The following WHRN variants were observed in gnomAD, a reference collection of about 807,000 sequenced individuals.
The protein encoded by WHRN is whirlin.
In WHRN, 41 loss-of-function variants were observed where a neutral mutation model predicts 68.3. That is an observed-to-expected ratio of 0.60 (90% CI 0.47 to 0.78). WHRN has a LOEUF of 0.78. WHRN is among the 30% of genes least tolerant of loss of function. The pLI, the probability that WHRN is intolerant of heterozygous loss-of-function variation, is 0.00. For synonymous variants in WHRN, 560 were observed against 561.3 expected, an observed-to-expected ratio of 1.00 and a Z score of 0.03; for missense variants, 1,243 against 1,244.7, an observed-to-expected ratio of 1.00 and a Z score of 0.02.
intron 7 of WHRN, among the ~76,000 whole-genome samples, chr9:114,416,463 C>T (rs984150249): frequency 6.6e-6 from 1 of 152,176 alleles, no homozygotes; most frequent in African/African-American, 2.4e-5. Flanking sequence ...AGCAGATTTC[C>T]CTTTTGCTGT....
Position 114,423,605 on chromosome 9 carries a change from G to A in WHRN, c.1417-82C>T, listed in dbSNP as rs1836525306. ...GGGGCCCTGCTACCCCCAAAGGACTGGCATGCAAACTTGACCCTGCCTCCC... is the reference window on the plus strand; with the variant it reads ...GGGGCCCTGCTACCCCCAAAGGACTAGCATGCAAACTTGACCCTGCCTCCC... On this transcript the variant is annotated intron_variant, in intron 6 of 11. Coordinates refer to ENST00000362057, the MANE Select transcript of WHRN (RefSeq NM_015404.4). 13 of 1,398,108 alleles carry A rather than the reference G, an allele frequency of 9.3e-6. No homozygotes were observed. The East Asian group carries it at 2.1e-4, about 22-fold the overall frequency. 86.6% of individuals were successfully genotyped at this position (1,398,108 alleles called of 1,614,324 possible).
At chr9:114,431,810 CT>C (rs563624027) in intron 3 of WHRN, among the ~76,000 whole-genome samples, 270 of 152,286 alleles carry the variant, frequency 1.8e-3, no homozygotes, top group African/African-American at 6.4e-3. Flanking sequence ...TCCAAGGCGT[CT>C]CTTATAGATG....
At chr9:114,501,419 G>A (rs963957865) in intron 1 of WHRN, among the ~76,000 whole-genome samples, 3 of 152,162 alleles carry the variant, frequency 2.0e-5, no homozygotes, top group African/African-American at 7.2e-5. Context: ...GGTAACAATG[G>A]ATGCTTGATT....
At chr9:114,424,583 G>T (rs1836640999) in intron 5 of WHRN, 37 bp from the exon 6 acceptor site, 1 of 1,570,396 alleles carries the variant, frequency 6.4e-7, no homozygotes, top group Non-Finnish European at 8.6e-7. Context: ...GGAATTCTTA[G>T]CTGCTCTAGA....
rs980004132 is a variant in WHRN, at chr9:114,442,170, A to G, written c.964-15757T>C. On this transcript the variant is annotated intron_variant, in intron 3 of 11. Coordinates refer to ENST00000362057, the MANE Select transcript of WHRN (RefSeq NM_015404.4). ...ACTGTTCCAAATTAAATGAAACTAAACAATCATAAAAACAAAATGCAACAC... is the reference window on the plus strand; with the variant it reads ...ACTGTTCCAAATTAAATGAAACTAAGCAATCATAAAAACAAAATGCAACAC... 4.6e-5 allele frequency among the ~76,000 whole-genome samples: 7 copies of G among 152,350 alleles called. No individual in the cohort carries two copies. The East Asian group carries it at 1.4e-3, about 29-fold the overall frequency.
At chr9:114,447,795 C>T (rs1036719091) in intron 3 of WHRN, among the ~76,000 whole-genome samples, 2 of 151,986 alleles carry the variant, frequency 1.3e-5, no homozygotes, top group African/African-American at 4.8e-5. Flanking sequence ...TCTCTCTCTC[C>T]CCCAGCCTTC....
rs559609692 is a variant in WHRN at position 114,469,122 on chromosome 9, C to T, written c.838-2730G>A. On this transcript the variant is annotated intron_variant, in intron 2 of 11. Transcript: ENST00000362057. ...TCCATTTGTGTAGAGTGCGTAGGGT[C>T]GTGGCTGGCACAGGGAAGCACTAGG... Among the ~76,000 whole-genome samples, 76 of 151,990 alleles carry T rather than the reference C, an allele frequency of 5.0e-4. 2 individuals are homozygous for T. Among genetic ancestry groups the T allele is most frequent in the Non-Finnish European group, 8.8e-5 (6 of 67,970 alleles).
chr9:114,422,547 G>A (rs552160247), intron 7 of WHRN, among the ~76,000 whole-genome samples: 5 of 152,288 alleles, frequency 3.3e-5, no homozygotes, highest in South Asian at 4.1e-4. Context: ...AGAGAGTCAC[G>A]CTGGGGCCAC....
intron 3 of WHRN, among the ~76,000 whole-genome samples, chr9:114,449,771 T>A (rs1005914923): frequency 6.6e-6 from 1 of 152,204 alleles, no homozygotes; most frequent in African/African-American, 2.4e-5. Context: ...TATCTGAGCA[T>A]CGCAGATGTA....
chr9:114,425,208 C>G, intron 4 of WHRN, 184 bp from the exon 5 acceptor site: 2 of 721,970 alleles, frequency 2.8e-6, no homozygotes, highest in South Asian at 1.5e-5. Flanking sequence ...GACAGACTGG[C>G]AGCGTCCAGC....
chr9:114,426,911 C>T (rs577694886), intron 3 of WHRN, among the ~76,000 whole-genome samples: 2 of 152,260 alleles, frequency 1.3e-5, no homozygotes, highest in South Asian at 2.1e-4. Context: ...AATTAGTTTT[C>T]CGTTAAAGCA....
intron 4 of WHRN, 74 bp downstream of exon 4, chr9:114,426,137 A>T: frequency 6.3e-7 from 1 of 1,597,106 alleles, no homozygotes; most frequent in South Asian, 1.1e-5. Flanking sequence ...CGGTGGAGGG[A>T]TGGGAGGCAG....
At position 114,500,054 on chromosome 9, in the gene WHRN, T is replaced by A. The variant is rs530198811; in HGVS notation, c.618+4130A>T. 2.0e-5 allele frequency among the ~76,000 whole-genome samples: 3 copies of A among 152,312 alleles called. No homozygotes were observed. In the South Asian group the frequency reaches 6.2e-4, roughly 32 times the overall value. On this transcript the variant is annotated intron_variant, in intron 1 of 11. Transcript: ENST00000362057. ...GAGTAAATAACCAGATGAAAGAGGATTTTGTCCTACCTAGGCATTAAATTT... is the reference window on the plus strand; with the variant it reads ...GAGTAAATAACCAGATGAAAGAGGAATTTGTCCTACCTAGGCATTAAATTT...
intron 1 of WHRN, among the ~76,000 whole-genome samples, chr9:114,481,494 A>T (rs929279797): frequency 6.6e-6 from 1 of 152,174 alleles, no homozygotes; most frequent in Non-Finnish European, 1.5e-5. Context: ...CTTCCCCCAG[A>T]GCAAAGTGGA....
intron 2 of WHRN, among the ~76,000 whole-genome samples, chr9:114,473,927 GCC>G (rs1299954623): frequency 6.6e-6 from 1 of 152,032 alleles, no homozygotes; most frequent in Non-Finnish European, 1.5e-5. Flanking sequence ...GAAGGCGCCT[GCC>G]TCAGAGGAGG....
chr9:114,402,896 C>T lies in WHRN; in HGVS notation c.2582G>A (p.Gly861Asp), dbSNP rs1475454871. The change falls in exon 12 of 12, where the codon GGC becomes GAC. Residue 861 changes from glycine (G) to aspartate (D), a missense_variant. Transcript: ENST00000362057. Reference sequence around the variant, plus strand: ...CCCATTCACTTCCAGAATCACGTGGCCCACCTTGAGCTGCCCACAGTTGTG... The same window carrying T: ...CCCATTCACTTCCAGAATCACGTGGTCCACCTTGAGCTGCCCACAGTTGTG... ...SAHNCGQLKV[G>D]HVILEVNGLT... 1.6e-5 allele frequency: 26 copies of T among 1,613,642 alleles called. No homozygotes were observed. The highest frequency in any genetic ancestry group is 2.2e-5 in the Non-Finnish European group (26 of 1,179,912).
In WHRN at chr9:114,466,364, G is replaced by A. The variant is rs1306277506; in HGVS notation, c.866C>T (p.Ser289Phe). 6.8e-6 allele frequency: 11 copies of A among 1,613,976 alleles called. No homozygotes were observed. The highest frequency in any genetic ancestry group is 1.1e-5 in the South Asian group (1 of 91,092). The part of the protein sequence containing the change: ...KVNLVLGDGR[S>F]LGLTIRGGAE... Reference sequence around the variant, plus strand: ...TCCCCCACGGATCGTGAGGCCCAGGGACCGGCCGTCCCCCAGCACCAGGTT... The same window carrying A: ...TCCCCCACGGATCGTGAGGCCCAGGAACCGGCCGTCCCCCAGCACCAGGTT... Residue 289 changes from serine (S) to phenylalanine (F), a missense_variant, in exon 3 of 12, where the codon TCC becomes TTC. By Grantham distance (155) the Ser-to-Phe change is radical. Coordinates refer to ENST00000362057, the MANE Select transcript of WHRN (RefSeq NM_015404.4).
chr9:114,476,436 C>T (rs1841656850), intron 2 of WHRN, among the ~76,000 whole-genome samples: 1 of 152,016 alleles, frequency 6.6e-6, no homozygotes, highest in South Asian at 2.1e-4. Flanking sequence ...ATGGCAGCTC[C>T]TTCTCCCTCT....
intron 2 of WHRN, chr9:114,478,283 G>C: frequency 1.4e-6 from 1 of 691,238 alleles, no homozygotes; most frequent in Non-Finnish European, 2.7e-6. Context: ...GTGAGACTCT[G>C]TCTCCAAATA....
Sources: gnomAD v4.1 joint callset for allele counts (sites outside exome capture counted in the v4.1 genomes callset) on GRCh38, gnomAD v4.1.1 for gene constraint, MANE v1.5 for transcripts, NCBI Gene and HGNC (gene_info 2026-07-23, HGNC 2026-07-21) for gene names.